MICAL2: variants seen among roughly 807,000 people sequenced by gnomAD.
MICAL2 encodes microtubule associated monooxygenase, calponin and LIM domain containing 2.
MICAL2 carries 77 observed loss-of-function variants against 127.3 expected under a neutral mutation model. That is an observed-to-expected ratio of 0.60 (90% CI 0.50 to 0.73). MICAL2 has a LOEUF of 0.73. Among genes scored for constraint, MICAL2 ranks in the 30% least tolerant of loss-of-function variants. The pLI is 0.00. For synonymous variants in MICAL2, 570 were observed against 551.1 expected, an observed-to-expected ratio of 1.03 and a Z score of -0.48; for missense variants, 1,351 against 1,434.4, an observed-to-expected ratio of 0.94 and a Z score of 0.94.
At chr11:12,194,745 T>C (rs1033257447) in intron 3 of MICAL2, among the ~76,000 whole-genome samples, 1 of 152,086 alleles carries the variant, frequency 6.6e-6, no homozygotes, top group African/African-American at 2.4e-5. Context: ...AGCTCTGTGC[T>C]ATTAAAAGAA....
intron 29 of MICAL2, among the ~76,000 whole-genome samples, chr11:12,302,813 G>A (rs962020993): frequency 1.3e-5 from 2 of 152,164 alleles, no homozygotes; most frequent in Non-Finnish European, 2.9e-5. Context: ...ACAGGAAGAT[G>A]CCACTGCACC....
At chr11:12,185,482 A>G (rs1858110039) in intron 3 of MICAL2, among the ~76,000 whole-genome samples, 1 of 152,032 alleles carries the variant, frequency 6.6e-6, no homozygotes, top group African/African-American at 2.4e-5. Context: ...TCCCATCCCC[A>G]TGACAGGATC....
intron 2 of MICAL2, among the ~76,000 whole-genome samples, chr11:12,284,991 C>T (rs1392770492): frequency 6.6e-6 from 1 of 152,232 alleles, no homozygotes; most frequent in Non-Finnish European, 1.5e-5. Context: ...GTTTAATTTA[C>T]ACAGAGCTGG....
intron 2 of MICAL2, among the ~76,000 whole-genome samples, chr11:12,155,595 A>G (rs1682958331): frequency 6.6e-6 from 1 of 152,196 alleles, no homozygotes; most frequent in Non-Finnish European, 1.5e-5. Context: ...TGAAATAATC[A>G]CACATGGCAA....
chr11:12,272,409 C>A (rs553706883), upstream of MICAL2, among the ~76,000 whole-genome samples: 1 of 152,296 alleles, frequency 6.6e-6, no homozygotes. Flanking sequence ...TGTGAACATG[C>A]CTTATCTCCC....
intron 32 of MICAL2, among the ~76,000 whole-genome samples, chr11:12,343,003 G>A (rs1311251410): frequency 6.6e-6 from 1 of 152,106 alleles, no homozygotes; most frequent in East Asian, 1.9e-4. Flanking sequence ...GGTTGAACTG[G>A]GCACAGTCGT....
In MICAL2 at chr11:12,236,377, C is replaced by A. The variant is rs574485835; in HGVS notation, c.2064+132C>A. 6 of 787,324 alleles carry A rather than the reference C, an allele frequency of 7.6e-6. No individual in the cohort carries two copies. In the African/African-American group the frequency reaches 8.6e-5, roughly 11 times the overall value. 48.8% of individuals were successfully genotyped at this position (787,324 alleles called of 1,614,324 possible). A position where few individuals can be genotyped will look rare whatever the true frequency, so the allele number is the denominator to read the frequency against. ...ATGAACCACTGGGTTCCAAGCTTGG[C>A]GTGATGGAAAAACAGTTGGGGTTTT... On this transcript the variant is annotated intron_variant, in intron 16 of 27. Transcript: ENST00000683283.
At chr11:12,242,882 A>G in intron 20 of MICAL2, 110 bp downstream of exon 20, 1 of 701,636 alleles carries the variant, frequency 1.4e-6, no homozygotes, top group East Asian at 3.1e-5. Context: ...CTTTTAGAGC[A>G]TGAAGAGCTC....
chr11:12,310,634 C>G (rs956280161), intron 29 of MICAL2, among the ~76,000 whole-genome samples: 4 of 151,902 alleles, frequency 2.6e-5, no homozygotes, highest in African/African-American at 9.7e-5. Flanking sequence ...TCTTTTTGCT[C>G]AGGAATACTT....
At chr11:12,295,454 T>C (rs1423211786), downstream of MICAL2, among the ~76,000 whole-genome samples, 2 of 101,586 alleles carry the variant, frequency 2.0e-5, no homozygotes, top group Non-Finnish European at 5.1e-5. Context: ...TTTTTTTTTT[T>C]TTTCTTTTTT....
downstream of MICAL2, chr11:12,294,639 A>G (rs1198268601): frequency 1.2e-6 from 2 of 1,614,086 alleles, no homozygotes; most frequent in African/African-American, 1.3e-5. Context: ...CTCAGACTCA[A>G]AGACAAATCT....
intron 1 of MICAL2, among the ~76,000 whole-genome samples, chr11:12,111,734 A>C (rs1291832000): frequency 6.6e-6 from 1 of 152,246 alleles, no homozygotes; most frequent in East Asian, 1.9e-4. Context: ...TGAAGGATGA[A>C]GTCACCAGCC....
chr11:12,334,134 C>G (rs1590742030), intron 32 of MICAL2, among the ~76,000 whole-genome samples: 1 of 152,260 alleles, frequency 6.6e-6, no homozygotes, highest in East Asian at 1.9e-4. Flanking sequence ...TGAAAAGACA[C>G]TCATTTGGAA....
rs752019636 is a variant in MICAL2 at position 12,244,117 on chromosome 11, T to C, written c.2784+5T>C. On this transcript the variant is annotated splice_donor_5th_base_variant and intron_variant, in intron 21 of 27. Coordinates refer to ENST00000683283, the MANE Select transcript of MICAL2 (RefSeq NM_001282663.2). ...TCTGCTTCTCCTGCCAGAAAGGTAG[T>C]TGTCCTGAACAATTTGCTTTCCCTA... 6.2e-7 allele frequency: 1 copy of C among 1,614,238 alleles called. No individual in the cohort carries two copies. The highest frequency in any genetic ancestry group is 2.2e-5 in the East Asian group (1 of 44,894).
At chr11:12,353,266 G>A (rs907402755) in intron 33 of MICAL2, among the ~76,000 whole-genome samples, 1 of 152,124 alleles carries the variant, frequency 6.6e-6, no homozygotes, top group East Asian at 1.9e-4. Flanking sequence ...ACCTAGTCTC[G>A]GCCCTCACCC....
intron 22 of MICAL2, among the ~76,000 whole-genome samples, chr11:12,251,219 GATA>G (rs1490854520): frequency 2.7e-5 from 4 of 146,320 alleles, no homozygotes; most frequent in East Asian, 2.1e-4. Context: ...ATTAGCCACA[GATA>G]GTTTGAGGAG....
downstream of MICAL2, among the ~76,000 whole-genome samples, chr11:12,361,732 A>G (rs997328677): frequency 6.6e-6 from 1 of 152,174 alleles, no homozygotes; most frequent in Non-Finnish European, 1.5e-5. Context: ...TCTGGAGGCA[A>G]ATGACAATTC....
At chr11:12,161,860 A>G in intron 2 of MICAL2, 1 of 434,678 alleles carries the variant, frequency 2.3e-6, no homozygotes, top group Admixed American at 3.8e-5. Context: ...CAGCAAGAGG[A>G]GCAGAGCATA....
intron 15 of MICAL2, among the ~76,000 whole-genome samples, chr11:12,233,786 G>A (rs1858638466): frequency 1.3e-5 from 2 of 152,106 alleles, no homozygotes; most frequent in Non-Finnish European, 1.5e-5. Context: ...CTTTCTTCTT[G>A]TACTTTGAAT....
Sources: allele counts gnomAD v4.1 joint callset (sites outside exome capture counted in the v4.1 genomes callset), GRCh38; gene constraint gnomAD v4.1.1; transcripts MANE v1.5; gene names NCBI Gene and HGNC (gene_info 2026-07-23, HGNC 2026-07-21).